Variants in RANBP2 observed in about 807,000 individuals in gnomAD.
RANBP2 encodes RAN binding protein 2.
Under a neutral mutation model 303.6 loss-of-function variants are expected in RANBP2, and 57 were observed. That is an observed-to-expected ratio of 0.19 (90% CI 0.15 to 0.23). The LOEUF (loss-of-function observed/expected upper bound fraction) is 0.23. RANBP2 is among the 10% of genes least tolerant of loss of function. The pLI, the probability that RANBP2 is intolerant of heterozygous loss-of-function variation, is 1.00. For missense variants in RANBP2, 3,138 were observed against 3,780.8 expected (o/e 0.83, Z 4.46); for synonymous variants, 1,167 against 1,301.5 (o/e 0.90, Z 2.23).
chr2:108,777,934 T>TC (rs1200385507), intron 25 of RANBP2, among the ~76,000 whole-genome samples: 1 of 152,146 alleles, frequency 6.6e-6, no homozygotes, highest in African/African-American at 2.4e-5. Flanking sequence ...TGTTCTTTCC[T>TC]CCTCTATATT....
chr2:109,070,657 C>T, the RANBP2 span, among the ~76,000 whole-genome samples: 252 of 152,006 alleles, frequency 1.7e-3, no homozygotes, highest in Admixed American at 5.6e-3. Flanking sequence ...CTCAGGAGTT[C>T]GACACTAGCC....
chr2:109,187,355 CA>C, the RANBP2 span, among the ~76,000 whole-genome samples: 33 of 65,014 alleles, frequency 5.1e-4, no homozygotes, highest in African/African-American at 2.2e-3. Context: ...AAAAGACAAC[CA>C]CAGACTTTTT....
At chr2:109,229,169 A>G in the RANBP2 span, among the ~76,000 whole-genome samples, 5 of 152,224 alleles carry the variant, frequency 3.3e-5, no homozygotes, top group African/African-American at 9.7e-5. Flanking sequence ...GCTCTGTGCC[A>G]GGAACCAGGG....
the RANBP2 span, among the ~76,000 whole-genome samples, chr2:109,455,170 C>T: frequency 6.6e-6 from 1 of 152,140 alleles, no homozygotes; most frequent in Admixed American, 6.6e-5. Flanking sequence ...GTGGTGGCCT[C>T]CTAGTCCCTG....
In RANBP2 at chr2:108,763,887, G is replaced by A; in HGVS notation, c.3348G>A (p.Gly1116=). The change falls in exon 20 of 29, where the codon GGG becomes GGA. Residue 1116 remains glycine, a synonymous_variant. Transcript: ENST00000283195. ...VSGISFTENM[G]SSQQKNSGFR... is the part of the protein sequence containing the mutation. ...GAATTTCATTTACAGAAAACATGGG[G>A]TCGAGTCAGCAAAAGAATTCTGGTT... 6.2e-7 allele frequency: 1 copy of A among 1,613,896 alleles called. No individual in the cohort carries two copies. Among genetic ancestry groups the A allele is most frequent in the South Asian group, 1.1e-5 (1 of 91,082 alleles).
chr2:108,872,935 T>G, the RANBP2 span, among the ~76,000 whole-genome samples: 1 of 152,212 alleles, frequency 6.6e-6, no homozygotes, highest in African/African-American at 2.4e-5. Flanking sequence ...TCATCTAAAT[T>G]AAATGTGAGA....
At chr2:109,743,097 C>G in the RANBP2 span, among the ~76,000 whole-genome samples, 1 of 147,378 alleles carries the variant, frequency 6.8e-6, no homozygotes, top group Non-Finnish European at 1.5e-5. Context: ...ATAGAGAGAC[C>G]CCCTGTCTAC....
chr2:109,457,569 C>T, the RANBP2 span, among the ~76,000 whole-genome samples: 1 of 152,358 alleles, frequency 6.6e-6, no homozygotes, highest in Non-Finnish European at 1.5e-5. Context: ...ACGAGCTGAA[C>T]AAGCAAGCGA....
the RANBP2 span, among the ~76,000 whole-genome samples, chr2:109,426,999 C>A: frequency 6.6e-6 from 1 of 151,898 alleles, no homozygotes; most frequent in African/African-American, 2.4e-5. Flanking sequence ...AGACGAGTCT[C>A]GCTCTGTCAC....
At chr2:109,463,673 T>C in the RANBP2 span, among the ~76,000 whole-genome samples, 1 of 152,198 alleles carries the variant, frequency 6.6e-6, no homozygotes, top group African/African-American at 2.4e-5. Flanking sequence ...AAAGAGGAGA[T>C]GTTCATGTTT....
the RANBP2 span, among the ~76,000 whole-genome samples, chr2:108,956,793 T>TG: frequency 0.29 from 44,315 of 151,788 alleles, 10,292 homozygotes; most frequent in East Asian, 0.94. Context: ...TCTTTTTTTT[T>TG]TTGTTTTTTT....
chr2:109,597,231 G>A, the RANBP2 span, among the ~76,000 whole-genome samples: 4 of 152,206 alleles, frequency 2.6e-5, no homozygotes, highest in East Asian at 1.9e-4. Flanking sequence ...ATGAGCCACC[G>A]TGCCTGGCTG....
At position 108,740,501 on chromosome 2, in the gene RANBP2, T is replaced by C; in HGVS notation, c.795T>C (p.Ala265=). The change falls in exon 7 of 29, where the codon GCT becomes GCC. Residue 265 remains alanine (A), a synonymous_variant. Transcript: ENST00000283195. Reference sequence around the variant, plus strand: ...TTTCATATTACAGTTTTGATAGTGCTCTTCAGTCTGTGAAATCTTTGGGTG... The same window carrying C: ...TTTCATATTACAGTTTTGATAGTGCCCTTCAGTCTGTGAAATCTTTGGGTG... ...SRELLQSFDS[A]LQSVKSLGGN... 3 of 1,597,580 alleles carry C rather than the reference T, an allele frequency of 1.9e-6. No individual in the cohort carries two copies. Among genetic ancestry groups the C allele is most frequent in the South Asian group, 2.2e-5 (2 of 90,992 alleles).
the RANBP2 span, among the ~76,000 whole-genome samples, chr2:109,030,745 T>TTTG: frequency 3.2e-3 from 490 of 152,180 alleles, 2 homozygotes; most frequent in Non-Finnish European, 4.7e-3. Flanking sequence ...CTTGACAGTT[T>TTTG]TTGTTGTTGT....
the RANBP2 span, among the ~76,000 whole-genome samples, chr2:109,380,843 T>A: frequency 6.6e-6 from 1 of 152,218 alleles, no homozygotes. Context: ...AAGACCTCGA[T>A]GCTGGAGAGC....
the RANBP2 span, among the ~76,000 whole-genome samples, chr2:108,818,423 A>G: frequency 6.6e-6 from 1 of 152,240 alleles, no homozygotes; most frequent in Non-Finnish European, 1.5e-5. Flanking sequence ...ATCTGTAAAT[A>G]AAAAGTTGTC....
chr2:108,738,253 T>C (rs991590550), intron 6 of RANBP2, among the ~76,000 whole-genome samples: 2 of 151,108 alleles, frequency 1.3e-5, no homozygotes, highest in Non-Finnish European at 2.9e-5. Flanking sequence ...TTTTTTGTAT[T>C]TTTAGTAGAG....
chr2:109,644,081 A>C, the RANBP2 span, among the ~76,000 whole-genome samples: 1 of 150,414 alleles, frequency 6.6e-6, no homozygotes, highest in Non-Finnish European at 1.5e-5. Context: ...AGATCGCACC[A>C]CTGCACTCCA....
Position 108,719,483 on chromosome 2 carries a change from C to T in RANBP2, c.-124C>T. 6.7e-7 allele frequency: 1 copy of T among 1,484,232 alleles called. No individual in the cohort carries two copies. The allele number at this position is 1,484,232 out of a possible 1,614,324, so 91.9% of individuals were successfully genotyped here. Reference sequence around the variant, plus strand: ...CGCCGGCTGCGCCGCAAGTTCGTCACAGTGGTCCTCCGCCGGCTACGGCGC... The same window carrying T: ...CGCCGGCTGCGCCGCAAGTTCGTCATAGTGGTCCTCCGCCGGCTACGGCGC... On this transcript the variant is annotated 5_prime_UTR_variant, in exon 1 of 29. Transcript: ENST00000283195.
Sources: gnomAD v4.1 joint callset for allele counts (sites outside exome capture counted in the v4.1 genomes callset) on GRCh38, gnomAD v4.1.1 for gene constraint, MANE v1.5 for transcripts, NCBI Gene and HGNC (gene_info 2026-07-23, HGNC 2026-07-21) for gene names.